Variants in SCAI observed in about 807,000 individuals in gnomAD.
The protein encoded by SCAI is suppressor of cancer cell invasion.
Under a neutral mutation model 92.2 loss-of-function variants are expected in SCAI, and 24 were observed. The observed-to-expected ratio is 0.26, with a 90% CI of 0.19 to 0.37. SCAI has a LOEUF of 0.37. Ranked by LOEUF, SCAI falls within the 10% of genes least tolerant of loss-of-function variation. SCAI has a pLI of 1.00. For missense variants in SCAI, 450 were observed against 736.2 expected, an observed-to-expected ratio of 0.61 and a Z score of 4.50; for synonymous variants, 261 against 258.6, an observed-to-expected ratio of 1.01 and a Z score of -0.09.
intron 3 of SCAI, among the ~76,000 whole-genome samples, chr9:125,049,549 C>T (rs2131125943): frequency 6.6e-6 from 1 of 152,324 alleles, no homozygotes; most frequent in Non-Finnish European, 1.5e-5. Context: ...TCATTCATTT[C>T]ATCCAATTCT....
chr9:125,074,430 T>C (rs1834046080), intron 2 of SCAI, among the ~76,000 whole-genome samples: 1 of 150,398 alleles, frequency 6.6e-6, no homozygotes, highest in South Asian at 2.1e-4. Flanking sequence ...CTAATTATTG[T>C]ATTTTTAGTA....
chr9:125,113,093 T>C (rs1834962307), intron 2 of SCAI, among the ~76,000 whole-genome samples: 1 of 152,222 alleles, frequency 6.6e-6, no homozygotes, highest in South Asian at 2.1e-4. Context: ...ACCTTCACTC[T>C]TTAAGTGTGC....
intron 14 of SCAI, among the ~76,000 whole-genome samples, chr9:124,977,836 A>G (rs1029952956): frequency 6.6e-6 from 1 of 152,272 alleles, no homozygotes; most frequent in Admixed American, 6.5e-5. Flanking sequence ...ATGACACCTC[A>G]GATTGGCTGG....
chr9:125,062,276 A>G (rs771812191), intron 2 of SCAI, among the ~76,000 whole-genome samples: 1 of 151,292 alleles, frequency 6.6e-6, no homozygotes, highest in Non-Finnish European at 1.5e-5. Flanking sequence ...CAGGCACACC[A>G]CCATGCTCGG....
rs71374219 is a variant in SCAI, at chr9:125,032,195, A to ATTTTTTT, written c.231-2463_231-2457dup. Among the ~76,000 whole-genome samples the ATTTTTTT allele has an allele frequency of 6.8e-3, 680 of 99,390 alleles. 7 individuals are homozygous for ATTTTTTT. Among genetic ancestry groups the ATTTTTTT allele is most frequent in the South Asian group, 0.011 (32 of 3,014 alleles). 65.2% of individuals were successfully genotyped at this position (99,390 alleles called of 152,430 possible). On this transcript the variant is annotated intron_variant, in intron 3 of 17. Coordinates refer to ENST00000336505, the MANE Select transcript of SCAI (RefSeq NM_001144877.3). ...AATATATATATATATATATATATATATTTTTTTTTTTTTTTGAGATGGAGT... is the reference window on the plus strand; with the variant it reads ...AATATATATATATATATATATATATATTTTTTTTTTTTTTTTTTTTTTGAGATGGAGT...
chr9:125,079,150 A>T (rs766112971), intron 2 of SCAI, among the ~76,000 whole-genome samples: 4 of 152,030 alleles, frequency 2.6e-5, no homozygotes, highest in Non-Finnish European at 5.9e-5. Context: ...CTATATAATA[A>T]GCTTTTCTTG....
intron 6 of SCAI, 129 bp from the exon 7 acceptor site, chr9:125,020,898 A>G (rs1183290411): frequency 7.9e-6 from 4 of 506,384 alleles, no homozygotes; most frequent in Non-Finnish European, 1.4e-5. Flanking sequence ...CCCACATATA[A>G]GCATATAGTC....
chr9:125,119,878 A>G (rs72765289), intron 2 of SCAI, among the ~76,000 whole-genome samples: 26,622 of 152,216 alleles, frequency 0.17, 2,629 homozygotes, highest in African/African-American at 0.26. Flanking sequence ...GCTGGGGCTG[A>G]GAGTCAGGAG....
chr9:125,074,796 G>T (rs1363611019), intron 2 of SCAI, among the ~76,000 whole-genome samples: 1 of 151,860 alleles, frequency 6.6e-6, no homozygotes, highest in East Asian at 2.0e-4. Flanking sequence ...CCCGAAGTCA[G>T]GAGTTCGAGA....
chr9:125,131,159 A>G (rs1399324979), intron 2 of SCAI, among the ~76,000 whole-genome samples: 1 of 151,520 alleles, frequency 6.6e-6, no homozygotes, highest in Non-Finnish European at 1.5e-5. Context: ...TAATCCAAAC[A>G]CTTTGGGAGG....
In SCAI at chr9:125,063,185, G is replaced by A. The variant is rs546745729; in HGVS notation, c.99-7178C>T. ...AGCACTTTGGGAGGCTGAGGTGGGC[G>A]GATCACTTGGATTGGGTGTTCGAGA... On this transcript the variant is annotated intron_variant, in intron 2 of 17. Coordinates refer to ENST00000336505, the MANE Select transcript of SCAI (RefSeq NM_001144877.3). Among the ~76,000 whole-genome samples, 60 of 151,474 alleles carry A rather than the reference G, an allele frequency of 4.0e-4. No homozygotes were observed. In the South Asian group the frequency reaches 8.1e-3, roughly 21 times the overall value.
At chr9:125,084,853 A>T (rs1030647445) in intron 2 of SCAI, among the ~76,000 whole-genome samples, 4 of 152,206 alleles carry the variant, frequency 2.6e-5, no homozygotes, top group Non-Finnish European at 4.4e-5. Context: ...TCTTGATAAA[A>T]TTTTTTAAAA....
At chr9:124,999,273 G>A (rs1832309815) in intron 13 of SCAI, among the ~76,000 whole-genome samples, 1 of 151,834 alleles carries the variant, frequency 6.6e-6, no homozygotes, top group Non-Finnish European at 1.5e-5. Context: ...TGTAATCCCA[G>A]CTACGCAGGA....
chr9:125,014,904 C>A (rs1277210313), intron 9 of SCAI, among the ~76,000 whole-genome samples: 7 of 152,106 alleles, frequency 4.6e-5, no homozygotes, highest in Admixed American at 2.6e-4. Context: ...TGATCTTTGA[C>A]AAACCTGAGA....
intron 2 of SCAI, among the ~76,000 whole-genome samples, chr9:125,101,771 T>C (rs1425635543): frequency 6.6e-6 from 1 of 152,202 alleles, no homozygotes; most frequent in Non-Finnish European, 1.5e-5. Context: ...AGTACATCCT[T>C]TCCCCCTAAA....
At chr9:124,957,186 G>A (rs1831329886) in intron 17 of SCAI, among the ~76,000 whole-genome samples, 1 of 151,666 alleles carries the variant, frequency 6.6e-6, no homozygotes, top group Admixed American at 6.6e-5. Flanking sequence ...TAGAGACAGG[G>A]TTTCACCATG....
At chr9:124,964,205 T>G (rs1831497242) in intron 17 of SCAI, among the ~76,000 whole-genome samples, 1 of 152,186 alleles carries the variant, frequency 6.6e-6, no homozygotes, top group African/African-American at 2.4e-5. Context: ...TGCCACTGCT[T>G]CTTCTATGTC....
chr9:125,099,059 A>C (rs1418565165), intron 2 of SCAI, among the ~76,000 whole-genome samples: 1 of 151,934 alleles, frequency 6.6e-6, no homozygotes, highest in Non-Finnish European at 1.5e-5. Flanking sequence ...ACTTGTAGGG[A>C]TTTTGTTGAG....
chr9:125,073,129 GA>G (rs1834014071), intron 2 of SCAI, among the ~76,000 whole-genome samples: 1 of 72,984 alleles, frequency 1.4e-5, no homozygotes, highest in African/African-American at 4.9e-5. Context: ...TTTTGAGACG[GA>G]GTCTCGCTCG....
Sources: allele counts gnomAD v4.1 joint callset (sites outside exome capture counted in the v4.1 genomes callset), GRCh38; gene constraint gnomAD v4.1.1; transcripts MANE v1.5; gene names NCBI Gene and HGNC (gene_info 2026-07-23, HGNC 2026-07-21).